The following RBFOX1 variants were observed in gnomAD, a reference collection of about 807,000 sequenced individuals.
RBFOX1 encodes the protein RNA binding protein fox-1 homolog 1.
A neutral mutation model predicts 57.7 loss-of-function variants in RBFOX1; 8 were observed. That is an observed-to-expected ratio of 0.14 (90% CI 0.08 to 0.25). RBFOX1 has a LOEUF of 0.25. RBFOX1 is among the 10% of genes least tolerant of loss of function. The pLI is 1.00. For missense variants in RBFOX1, 611 were observed against 548.5 expected (o/e 1.11, Z -1.14); for synonymous variants, 326 against 222.4 (o/e 1.47, Z -4.15).
At chr16:5,904,999 G>T (rs1213040752) in intron 4 of RBFOX1, among the ~76,000 whole-genome samples, 1 of 148,266 alleles carries the variant, frequency 6.7e-6, no homozygotes, top group Non-Finnish European at 1.5e-5. Context: ...AAAAAAGAGA[G>T]GTAATCAGAT....
chr16:7,460,312 C>G (rs1029551191), intron 4 of RBFOX1, among the ~76,000 whole-genome samples: 1 of 147,926 alleles, frequency 6.8e-6, no homozygotes, highest in Non-Finnish European at 1.5e-5. Context: ...GTATCTCTTC[C>G]ACAGACTTCT....
intron 4 of RBFOX1, among the ~76,000 whole-genome samples, chr16:7,507,773 C>G (rs1176795679): frequency 6.6e-6 from 1 of 151,896 alleles, no homozygotes. Flanking sequence ...CCGTGTTAGC[C>G]AGGACGGTCT....
At chr16:5,449,032 C>G (rs139154908) in intron 1 of RBFOX1, among the ~76,000 whole-genome samples, 1 of 152,092 alleles carries the variant, frequency 6.6e-6, no homozygotes, top group East Asian at 1.9e-4. Flanking sequence ...TTGAGCTGCA[C>G]GGGACTGCCC....
chr16:6,044,119 C>T (rs2095470943), intron 1 of RBFOX1, among the ~76,000 whole-genome samples: 1 of 152,156 alleles, frequency 6.6e-6, no homozygotes, highest in Non-Finnish European at 1.5e-5. Context: ...TAGACCTTGA[C>T]TGATACAGTG....
chr16:6,873,350 G>T (rs1170493650), intron 3 of RBFOX1, among the ~76,000 whole-genome samples: 1 of 152,088 alleles, frequency 6.6e-6, no homozygotes, highest in Non-Finnish European at 1.5e-5. Context: ...AATCATTAGA[G>T]ACATGATTAT....
intron 3 of RBFOX1, among the ~76,000 whole-genome samples, chr16:6,883,597 C>G (rs2063380186): frequency 6.6e-6 from 1 of 152,184 alleles, no homozygotes; most frequent in Non-Finnish European, 1.5e-5. Context: ...TGAAGTAACA[C>G]CCTCAAGCTG....
chr16:6,835,191 A>C (rs572373569), intron 3 of RBFOX1, among the ~76,000 whole-genome samples: 1 of 151,862 alleles, frequency 6.6e-6, no homozygotes, highest in Non-Finnish European at 1.5e-5. Flanking sequence ...GTGAGCCACC[A>C]CGCCCGACCG....
chr16:6,157,739 G>T (rs974395969), intron 1 of RBFOX1, among the ~76,000 whole-genome samples: 1 of 152,102 alleles, frequency 6.6e-6, no homozygotes, highest in East Asian at 1.9e-4. Flanking sequence ...AAAATTGAAT[G>T]TATAGGTTTA....
At chr16:7,671,098 A>G (rs2071283487) in intron 13 of RBFOX1, among the ~76,000 whole-genome samples, 1 of 152,256 alleles carries the variant, frequency 6.6e-6, no homozygotes, top group Non-Finnish European at 1.5e-5. Flanking sequence ...TTAATTTAAC[A>G]AGTAAAGGCA....
rs558228264 is a variant in RBFOX1, at chr16:7,139,942, G to A, written c.27+87844G>A. Reference sequence around the variant, plus strand: ...GAAGGTAAAGACATAAGCCTGGAAGGAAGAACTGACATGAGTTTTAGTTGC... The same window carrying A: ...GAAGGTAAAGACATAAGCCTGGAAGAAAGAACTGACATGAGTTTTAGTTGC... On this transcript the variant is annotated intron_variant, in intron 4 of 15. Transcript: ENST00000550418. Among the ~76,000 whole-genome samples the A allele has an allele frequency of 5.9e-5, 9 of 152,172 alleles. No individual in the cohort carries two copies. In the South Asian group the frequency reaches 1.9e-3, roughly 32 times the overall value.
chr16:5,593,958 C>G (rs996190024), intron 2 of RBFOX1, among the ~76,000 whole-genome samples: 18 of 152,170 alleles, frequency 1.2e-4, no homozygotes, highest in South Asian at 4.1e-4. Flanking sequence ...CGTGCTTCAT[C>G]CGTAGGAACC....
At chr16:5,916,251 G>A (rs2058701353) in intron 4 of RBFOX1, among the ~76,000 whole-genome samples, 1 of 152,098 alleles carries the variant, frequency 6.6e-6, no homozygotes, top group South Asian at 2.1e-4. Context: ...AGGTTGGAAA[G>A]CTTTATCCAT....
intron 3 of RBFOX1, among the ~76,000 whole-genome samples, chr16:5,669,813 A>G (rs1347839993): frequency 6.6e-6 from 1 of 152,232 alleles, no homozygotes; most frequent in Non-Finnish European, 1.5e-5. Flanking sequence ...GGAAGAATTT[A>G]AACAATTGCC....
intron 1 of RBFOX1, among the ~76,000 whole-genome samples, chr16:6,052,343 C>G (rs2095560844): frequency 6.6e-6 from 1 of 152,176 alleles, no homozygotes. Flanking sequence ...TGCCAAGGCT[C>G]TCTTCAGATG....
upstream of RBFOX1, among the ~76,000 whole-genome samples, chr16:6,015,047 G>T (rs1031320194): frequency 6.6e-6 from 1 of 151,892 alleles, no homozygotes; most frequent in Non-Finnish European, 1.5e-5. Context: ...TGTAGAGATG[G>T]GGTTTCACAG....
intron 3 of RBFOX1, among the ~76,000 whole-genome samples, chr16:7,038,535 G>C (rs988051481): frequency 6.6e-6 from 1 of 152,178 alleles, no homozygotes; most frequent in Admixed American, 6.5e-5. Flanking sequence ...CACCCTGCAA[G>C]GTATCAGATG....
chr16:6,745,709 G>A (rs75277181), intron 3 of RBFOX1, among the ~76,000 whole-genome samples: 10 of 152,166 alleles, frequency 6.6e-5, no homozygotes, highest in African/African-American at 2.2e-4. Context: ...AGGAAATACT[G>A]GTGTTGCCCC....
At chr16:5,373,553 C>A (rs748024843) in intron 1 of RBFOX1, among the ~76,000 whole-genome samples, 1 of 152,192 alleles carries the variant, frequency 6.6e-6, no homozygotes. Context: ...GAGGCCTCCT[C>A]AGCCGTACTT....
chr16:6,368,709 C>T (rs2090016983), intron 2 of RBFOX1, among the ~76,000 whole-genome samples: 3 of 152,162 alleles, frequency 2.0e-5, no homozygotes, highest in African/African-American at 4.8e-5. Flanking sequence ...AAATGGTTAT[C>T]AATTAGTCAT....
Sources: gnomAD v4.1 joint callset for allele counts (sites outside exome capture counted in the v4.1 genomes callset) on GRCh38, gnomAD v4.1.1 for gene constraint, MANE v1.5 for transcripts, NCBI Gene and HGNC (gene_info 2026-07-23, HGNC 2026-07-21) for gene names.